IRAK1BP1: variants seen among roughly 807,000 people sequenced by gnomAD.
IRAK1BP1 encodes interleukin-1 receptor-associated kinase 1-binding protein 1.
A neutral mutation model predicts 28.0 loss-of-function variants in IRAK1BP1; 24 were observed. That is an observed-to-expected ratio of 0.86 (90% CI 0.62 to 1.20). The LOEUF is 1.20. IRAK1BP1 is among the 50% of genes most tolerant of loss of function. The probability of loss-of-function intolerance (pLI) is 0.00; values close to 1 mark genes in which losing one functional copy is unlikely to be tolerated. For synonymous variants in IRAK1BP1, 131 were observed against 116.3 expected, an observed-to-expected ratio of 1.13 and a Z score of -0.81; for missense variants, 336 against 316.7, an observed-to-expected ratio of 1.06 and a Z score of -0.46.
downstream of IRAK1BP1, among the ~76,000 whole-genome samples, chr6:78,904,100 T>C (rs1250345491): frequency 1.3e-5 from 2 of 152,184 alleles, no homozygotes; most frequent in African/African-American, 4.8e-5. Flanking sequence ...TACCTGAACA[T>C]TGGTACACCT....
chr6:78,949,278 G>T (rs1345017705), downstream of IRAK1BP1, among the ~76,000 whole-genome samples: 8 of 152,042 alleles, frequency 5.3e-5, no homozygotes. Flanking sequence ...GGTACCTGGG[G>T]GGCCTTACAG....
chr6:78,953,966 G>A, the IRAK1BP1 span, among the ~76,000 whole-genome samples: 10 of 152,206 alleles, frequency 6.6e-5, no homozygotes, highest in East Asian at 3.9e-4. Flanking sequence ...ATGATTGCAC[G>A]CCAAAATAAA....
intron 4 of IRAK1BP1, chr6:78,940,892 A>G: frequency 6.2e-7 from 1 of 1,613,702 alleles, no homozygotes; most frequent in African/African-American, 1.3e-5. Context: ...GAGTTCTTCA[A>G]ACTCTTCTTC....
chr6:78,970,824 C>T, the IRAK1BP1 span: 1 of 1,611,682 alleles, frequency 6.2e-7, no homozygotes, highest in South Asian at 1.1e-5. Context: ...GGGATTGATA[C>T]TATATATTTT....
At chr6:78,889,474 C>T (rs1355348921) in intron 2 of IRAK1BP1, among the ~76,000 whole-genome samples, 3 of 151,340 alleles carry the variant, frequency 2.0e-5, no homozygotes, top group Admixed American at 6.6e-5. Flanking sequence ...AAACCATCAT[C>T]GGAGTGAAGA....
At chr6:78,935,617 A>G (rs1220730873) in intron 4 of IRAK1BP1, 1 of 980,774 alleles carries the variant, frequency 1.0e-6, no homozygotes, top group Non-Finnish European at 1.2e-6. Flanking sequence ...ATAAAAAGGC[A>G]TATAAGTTTT....
At chr6:78,967,251 G>C in the IRAK1BP1 span, among the ~76,000 whole-genome samples, 3 of 152,186 alleles carry the variant, frequency 2.0e-5, no homozygotes, top group Non-Finnish European at 2.9e-5. Flanking sequence ...GCATGCTGTT[G>C]ACAGTTGTTC....
intron 4 of IRAK1BP1, among the ~76,000 whole-genome samples, chr6:78,924,498 G>C (rs989188694): frequency 3.9e-5 from 6 of 152,164 alleles, no homozygotes; most frequent in Non-Finnish European, 8.8e-5. Context: ...ACAAAGAGGA[G>C]CTGGTACCAT....
At chr6:78,893,983 A>T (rs1165271377) in intron 2 of IRAK1BP1, among the ~76,000 whole-genome samples, 1 of 152,218 alleles carries the variant, frequency 6.6e-6, no homozygotes, top group African/African-American at 2.4e-5. Flanking sequence ...ATTATATAAC[A>T]ACAATAGCAC....
chr6:78,975,821 T>C, the IRAK1BP1 span, among the ~76,000 whole-genome samples: 866 of 149,988 alleles, frequency 5.8e-3, 11 homozygotes, highest in African/African-American at 0.02. Context: ...TTACAAGGGA[T>C]GTGAAGGACC....
chr6:78,892,484 T>C (rs1434969175), intron 2 of IRAK1BP1, among the ~76,000 whole-genome samples: 1 of 152,180 alleles, frequency 6.6e-6, no homozygotes, highest in Non-Finnish European at 1.5e-5. Flanking sequence ...ACTTTGTTAC[T>C]GCTATTTCAG....
At chr6:78,958,374 A>G in the IRAK1BP1 span, 1 of 786,178 alleles carries the variant, frequency 1.3e-6, no homozygotes, top group Non-Finnish European at 2.0e-6. Flanking sequence ...GCTACTCTTA[A>G]ATGTTTCTTC....
the IRAK1BP1 span, among the ~76,000 whole-genome samples, chr6:78,964,379 A>G: frequency 6.6e-5 from 10 of 152,224 alleles, no homozygotes; most frequent in Non-Finnish European, 1.3e-4. Flanking sequence ...TTGGATTACA[A>G]TAACTACTGA....
At chr6:78,975,092 A>G in the IRAK1BP1 span, among the ~76,000 whole-genome samples, 1 of 151,816 alleles carries the variant, frequency 6.6e-6, no homozygotes, top group African/African-American at 2.4e-5. Context: ...TTAGACCAAT[A>G]TCCTTGATGA....
chr6:78,895,476 G>T (rs1771847518), intron 2 of IRAK1BP1, among the ~76,000 whole-genome samples: 1 of 152,136 alleles, frequency 6.6e-6, no homozygotes. Flanking sequence ...CAAATTTAAT[G>T]ATTTATACAC....
chr6:78,946,922 C>T (rs1413855626), downstream of IRAK1BP1: 2 of 1,222,414 alleles, frequency 1.6e-6, no homozygotes, highest in Non-Finnish European at 2.3e-6. Flanking sequence ...GAGGAAAATA[C>T]CTTTGTTCAG....
chr6:78,970,753 G>T, the IRAK1BP1 span: 1 of 1,351,200 alleles, frequency 7.4e-7, no homozygotes, highest in Non-Finnish European at 1.0e-6. Context: ...TATTTTTGGG[G>T]CTATTAAATA....
chr6:78,970,666 C>G, the IRAK1BP1 span: 2 of 665,638 alleles, frequency 3.0e-6, no homozygotes, highest in East Asian at 2.8e-5. Context: ...TTCAATTAAA[C>G]AAGGTATCTT....
At chr6:78,963,912 ACG>A in the IRAK1BP1 span, among the ~76,000 whole-genome samples, 1 of 152,196 alleles carries the variant, frequency 6.6e-6, no homozygotes, top group Non-Finnish European at 1.5e-5. Context: ...ATCACAAACT[ACG>A]ATTAAACTCT....
Sources: allele counts gnomAD v4.1 joint callset (sites outside exome capture counted in the v4.1 genomes callset), GRCh38; gene constraint gnomAD v4.1.1; transcripts MANE v1.5; gene names NCBI Gene and HGNC (gene_info 2026-07-23, HGNC 2026-07-21).